CNTN5: variants seen among roughly 807,000 people sequenced by gnomAD.
The protein encoded by CNTN5 is contactin 5.
CNTN5 carries 77 observed loss-of-function variants against 129.1 expected under a neutral mutation model. The observed-to-expected ratio is 0.60, with a 90% CI of 0.50 to 0.72. CNTN5 has a LOEUF of 0.72. CNTN5 is among the 30% of genes least tolerant of loss of function. CNTN5 has a pLI of 0.00. For synonymous variants in CNTN5, 509 were observed against 465.6 expected, an observed-to-expected ratio of 1.09 and a Z score of -1.20; for missense variants, 1,478 against 1,328.8, an observed-to-expected ratio of 1.11 and a Z score of -1.75.
chr11:99,847,364 C>T (rs1355366745), intron 6 of CNTN5, among the ~76,000 whole-genome samples: 4 of 152,188 alleles, frequency 2.6e-5, no homozygotes, highest in South Asian at 2.1e-4. Flanking sequence ...ATGGGAAATA[C>T]TGTTTATCTA....
At chr11:100,337,174 G>A in intron 21 of CNTN5, 1 of 1,481,204 alleles carries the variant, frequency 6.8e-7, no homozygotes, top group Non-Finnish European at 9.4e-7. Flanking sequence ...TCACCAGTGG[G>A]TTGACACAGA....
intron 1 of CNTN5, among the ~76,000 whole-genome samples, chr11:99,104,948 G>C (rs910169890): frequency 1.3e-5 from 2 of 152,292 alleles, no homozygotes; most frequent in South Asian, 4.1e-4. Context: ...AATGTTCCCT[G>C]TTGGTGAGGA....
chr11:99,093,122 TTTA>T (rs1866321998), intron 1 of CNTN5, among the ~76,000 whole-genome samples: 1 of 152,034 alleles, frequency 6.6e-6, no homozygotes, highest in African/African-American at 2.4e-5. Flanking sequence ...CCCTAGAAAT[TTTA>T]TTAATTGACT....
chr11:100,292,057 A>G (rs1403124527), intron 18 of CNTN5, among the ~76,000 whole-genome samples: 1 of 151,986 alleles, frequency 6.6e-6, no homozygotes, highest in African/African-American at 2.4e-5. Flanking sequence ...AAAAAATTTA[A>G]TCTCACATCT....
intron 3 of CNTN5, among the ~76,000 whole-genome samples, chr11:99,679,087 C>T (rs1223020227): frequency 7.0e-6 from 1 of 142,718 alleles, no homozygotes; most frequent in East Asian, 2.0e-4. Context: ...ATAGGAAATA[C>T]ATATACACAC....
chr11:100,221,046 A>G (rs1195309816), intron 15 of CNTN5, among the ~76,000 whole-genome samples: 2 of 152,196 alleles, frequency 1.3e-5, no homozygotes, highest in African/African-American at 2.4e-5. Flanking sequence ...ATCTACGAAT[A>G]GCAAGTGCTG....
At chr11:99,767,921 T>C (rs1944810813) in intron 3 of CNTN5, among the ~76,000 whole-genome samples, 1 of 152,096 alleles carries the variant, frequency 6.6e-6, no homozygotes, top group South Asian at 2.1e-4. Flanking sequence ...TGAACACCCA[T>C]ATAAATACTC....
At chr11:100,246,392 A>T (rs1208818647) in intron 16 of CNTN5, among the ~76,000 whole-genome samples, 1 of 152,106 alleles carries the variant, frequency 6.6e-6, no homozygotes, top group Non-Finnish European at 1.5e-5. Context: ...TCTTTGTCCA[A>T]ATCTCTTTTC....
intron 3 of CNTN5, among the ~76,000 whole-genome samples, chr11:99,757,230 A>C (rs1944433178): frequency 6.6e-6 from 1 of 151,950 alleles, no homozygotes; most frequent in African/African-American, 2.4e-5. Flanking sequence ...TCATTTTCAC[A>C]TGGGGCTCTT....
intron 13 of CNTN5, among the ~76,000 whole-genome samples, chr11:100,158,441 A>G (rs930551316): frequency 6.6e-6 from 1 of 151,922 alleles, no homozygotes; most frequent in African/African-American, 2.4e-5. Context: ...TCTTGTATAC[A>G]TATATCAAAA....
At chr11:99,472,423 T>G (rs1421941774) in intron 2 of CNTN5, among the ~76,000 whole-genome samples, 5 of 152,186 alleles carry the variant, frequency 3.3e-5, no homozygotes, top group Non-Finnish European at 7.4e-5. Flanking sequence ...TTCACATCAT[T>G]GTAAACTTGC....
chr11:99,444,274 T>G (rs1056190571), intron 2 of CNTN5, among the ~76,000 whole-genome samples: 1 of 152,068 alleles, frequency 6.6e-6, no homozygotes, highest in African/African-American at 2.4e-5. Context: ...ACCAATAATT[T>G]CCTGAAAAGT....
intron 16 of CNTN5, among the ~76,000 whole-genome samples, chr11:100,230,127 A>G (rs1203279260): frequency 3.3e-5 from 5 of 152,210 alleles, no homozygotes; most frequent in Non-Finnish European, 7.3e-5. Context: ...TTAGAGAAGA[A>G]TAAAATTTAT....
intron 3 of CNTN5, among the ~76,000 whole-genome samples, chr11:99,781,347 T>C (rs1486332823): frequency 6.6e-6 from 1 of 152,056 alleles, no homozygotes; most frequent in Non-Finnish European, 1.5e-5. Flanking sequence ...ATTTTCATGT[T>C]TCTTGGCATA....
intron 1 of CNTN5, among the ~76,000 whole-genome samples, chr11:99,254,683 G>A (rs1351473789): frequency 6.6e-6 from 1 of 151,824 alleles, no homozygotes; most frequent in African/African-American, 2.4e-5. Context: ...CTCAGTCAGA[G>A]TATGATTTAT....
intron 13 of CNTN5, among the ~76,000 whole-genome samples, chr11:100,082,159 CAGG>C (rs1333949598): frequency 6.6e-6 from 1 of 152,098 alleles, no homozygotes; most frequent in East Asian, 1.9e-4. Flanking sequence ...TAATAAATAT[CAGG>C]AGTTGCAAAG....
At chr11:99,937,731 G>C (rs994020113) in intron 7 of CNTN5, among the ~76,000 whole-genome samples, 2 of 152,174 alleles carry the variant, frequency 1.3e-5, no homozygotes, top group African/African-American at 2.4e-5. Flanking sequence ...GCAGCTCGAA[G>C]CTTGACAAAC....
chr11:100,007,503 C>G (rs1940268735), intron 9 of CNTN5, among the ~76,000 whole-genome samples: 2 of 152,100 alleles, frequency 1.3e-5, no homozygotes, highest in Admixed American at 1.3e-4. Flanking sequence ...TGCTACTTCA[C>G]CTTCCACTTT....
intron 1 of CNTN5, among the ~76,000 whole-genome samples, chr11:99,078,595 A>C (rs1427022691): frequency 6.6e-6 from 1 of 152,246 alleles, no homozygotes; most frequent in African/African-American, 2.4e-5. Context: ...CACACAATGA[A>C]GTACTATTCA....
Sources: allele counts gnomAD v4.1 joint callset (sites outside exome capture counted in the v4.1 genomes callset), GRCh38; gene constraint gnomAD v4.1.1; transcripts MANE v1.5; gene names NCBI Gene and HGNC (gene_info 2026-07-23, HGNC 2026-07-21).